SHLD2: variants seen among roughly 807,000 people sequenced by gnomAD.
The protein encoded by SHLD2 is shieldin complex subunit 2.
In SHLD2, 30 loss-of-function variants were observed where a neutral mutation model predicts 73.2. The ratio of observed to expected loss-of-function variants is 0.41; its 90% CI spans 0.31 to 0.56. The LOEUF (loss-of-function observed/expected upper bound fraction) is 0.56, where lower values mean the gene tolerates loss of function less well. Among genes scored for constraint, SHLD2 ranks in the 20% least tolerant of loss-of-function variants. The pLI is 0.28. For missense variants in SHLD2, 745 were observed against 1,055.9 expected (o/e 0.71, Z 4.08); for synonymous variants, 285 against 370.1 (o/e 0.77, Z 2.64).
intron 4 of SHLD2, among the ~76,000 whole-genome samples, chr10:87,166,950 AGTGTGTGT>A (rs10602407): frequency 1.2e-4 from 15 of 126,288 alleles, no homozygotes; most frequent in South Asian, 7.3e-4. Flanking sequence ...CATTTTGGAA[AGTGTGTGT>A]GTGTGTGTGT....
rs183739847 is a variant in SHLD2 at position 87,173,084 on chromosome 10, G to A, written c.1963+2110G>A. On this transcript the variant is annotated intron_variant, in intron 6 of 9. Transcript: ENST00000298786. ...ACAGAGTTTCATTCTTGTCACCCAG[G>A]CTGGAATGTAGTGGCATGATCTCTG... Among the ~76,000 whole-genome samples the A allele has an allele frequency of 2.0e-3, 305 of 149,272 alleles. 4 individuals are homozygous for A. The highest frequency in any genetic ancestry group is 9.3e-4 in the Non-Finnish European group (63 of 67,858).
Position 87,152,791 on chromosome 10 carries a change from A to C in SHLD2, c.1437A>C (p.Gln479His). 6.2e-7 allele frequency: 1 copy of C among 1,611,750 alleles called. No individual in the cohort carries two copies. Among genetic ancestry groups the C allele is most frequent in the Non-Finnish European group, 8.5e-7 (1 of 1,179,814 alleles). Residue 479 changes from glutamine to histidine, a missense_variant, in exon 3 of 10, where the codon CAA becomes CAC. By Grantham distance (24) the Gln-to-His change is conservative. Around this residue, in one of 5 missense-constraint regions of SHLD2, gnomAD observed 418 missense variants for 567.8 expected, o/e 0.74. Coordinates refer to ENST00000298786, the MANE Select transcript of SHLD2 (RefSeq NM_001330112.2). ...VPLATVTVID[Q>H]SETKKKVFLW... is the part of the protein sequence containing the mutation. Reference sequence around the variant, plus strand: ...TAGCAACAGTTACAGTAATTGATCAATCAGAAACTAAGAAGAAGGTTTTTC... The same window carrying C: ...TAGCAACAGTTACAGTAATTGATCACTCAGAAACTAAGAAGAAGGTTTTTC...
chr10:87,133,175 A>T (rs936922187), intron 2 of SHLD2, among the ~76,000 whole-genome samples: 1 of 152,186 alleles, frequency 6.6e-6, no homozygotes, highest in East Asian at 1.9e-4. Flanking sequence ...CAATGGAAAA[A>T]AAATAATTTT....
chr10:87,184,287 T>G (rs954156884), intron 8 of SHLD2, among the ~76,000 whole-genome samples: 32 of 152,178 alleles, frequency 2.1e-4, no homozygotes, highest in African/African-American at 7.2e-4. Context: ...CCATCTCCAC[T>G]GCTAACATCT....
intron 2 of SHLD2, among the ~76,000 whole-genome samples, chr10:87,117,137 C>T (rs4388787): frequency 0.069 from 10,517 of 152,072 alleles, 764 homozygotes; most frequent in African/African-American, 0.19. Context: ...ACTTTAGCTG[C>T]GGCCGGGCAA....
intron 2 of SHLD2, among the ~76,000 whole-genome samples, chr10:87,137,032 CTTAA>C (rs941182769): frequency 6.6e-4 from 101 of 152,148 alleles, no homozygotes; most frequent in African/African-American, 2.4e-3. Flanking sequence ...TAAAATATTA[CTTAA>C]TTTAATAAGT....
intron 2 of SHLD2, among the ~76,000 whole-genome samples, chr10:87,106,567 C>G (rs1050967990): frequency 6.6e-6 from 1 of 152,132 alleles, no homozygotes; most frequent in Admixed American, 6.6e-5. Context: ...GTTTTTTGAA[C>G]AGCTTTTTAC....
chr10:87,190,790 T>C lies in SHLD2; in HGVS notation c.*107T>C. 1.1e-6 allele frequency: 1 copy of C among 936,818 alleles called. No individual in the cohort carries two copies. The highest frequency in any genetic ancestry group is 1.6e-6 in the Non-Finnish European group (1 of 615,944). 58.0% of individuals were successfully genotyped at this position (936,818 alleles called of 1,614,324 possible). A position where few individuals can be genotyped will look rare whatever the true frequency, so the allele number is the denominator to read the frequency against. ...TTTGCTTTGGATTTTTTATGAAATA[T>C]ATTTTACAAAGAGAATTGCACTAGA... On this transcript the variant is annotated 3_prime_UTR_variant, in exon 10 of 10. Transcript: ENST00000298786.
At chr10:87,144,907 G>T (rs898537322) in intron 2 of SHLD2, among the ~76,000 whole-genome samples, 3 of 145,588 alleles carry the variant, frequency 2.1e-5, no homozygotes, top group Non-Finnish European at 4.5e-5. Context: ...ATTGATTACA[G>T]GCGTGAGCCA....
chr10:87,146,292 T>G (rs1290464094), intron 2 of SHLD2, among the ~76,000 whole-genome samples: 1 of 152,052 alleles, frequency 6.6e-6, no homozygotes, highest in East Asian at 1.9e-4. Flanking sequence ...CATTATGAGT[T>G]CTTTTTGAGA....
intron 3 of SHLD2, among the ~76,000 whole-genome samples, chr10:87,156,440 T>C (rs1316393312): frequency 6.6e-6 from 1 of 152,178 alleles, no homozygotes; most frequent in Non-Finnish European, 1.5e-5. Flanking sequence ...TTTGCTATTA[T>C]AACTTCTAGC....
chr10:87,146,520 C>T (rs1181298893), intron 2 of SHLD2, among the ~76,000 whole-genome samples: 1 of 151,886 alleles, frequency 6.6e-6, no homozygotes, highest in African/African-American at 2.4e-5. Flanking sequence ...TCTCAAACTC[C>T]TGACCTCAAG....
At chr10:87,167,880 A>G (rs1020228558) in intron 4 of SHLD2, among the ~76,000 whole-genome samples, 1 of 152,184 alleles carries the variant, frequency 6.6e-6, no homozygotes, top group African/African-American at 2.4e-5. Context: ...CCTGAGCTCC[A>G]GTGATCCTCT....
At chr10:87,139,694 G>A (rs1347752509) in intron 2 of SHLD2, among the ~76,000 whole-genome samples, 3 of 152,122 alleles carry the variant, frequency 2.0e-5, no homozygotes, top group Admixed American at 1.3e-4. Flanking sequence ...TGGGTGTGGT[G>A]GGATGTGCCT....
chr10:87,110,748 T>G (rs769679246), intron 2 of SHLD2, among the ~76,000 whole-genome samples: 1 of 151,502 alleles, frequency 6.6e-6, no homozygotes, highest in Admixed American at 6.6e-5. Flanking sequence ...GAAGGAAATG[T>G]AGGTTTAAAT....
In SHLD2 at chr10:87,188,744, C is replaced by G. The variant is rs900662623; in HGVS notation, c.2515+1544C>G. ...CTCCTGTTCCATCTCCCTGGAGGCA[C>G]CTGTCTCCTTATGTTTCAGTCTTTT... On this transcript the variant is annotated intron_variant, in intron 9 of 9. Transcript: ENST00000298786. 2.0e-5 allele frequency among the ~76,000 whole-genome samples: 3 copies of G among 152,168 alleles called. No homozygotes were observed. The East Asian group carries it at 5.8e-4, about 29-fold the overall frequency.
intron 2 of SHLD2, among the ~76,000 whole-genome samples, chr10:87,129,495 C>T (rs1844274396): frequency 6.6e-6 from 1 of 152,106 alleles, no homozygotes; most frequent in Non-Finnish European, 1.5e-5. Context: ...CCGTGGATTC[C>T]CCATTGCATA....
intron 8 of SHLD2, 59 bp downstream of exon 8, chr10:87,180,362 T>C: frequency 6.3e-7 from 1 of 1,585,254 alleles, no homozygotes. Context: ...CTGGAAAAAT[T>C]AGTCTGTAAA....
chr10:87,100,385 A>T (rs1197123789), intron 2 of SHLD2, among the ~76,000 whole-genome samples: 2 of 152,202 alleles, frequency 1.3e-5, no homozygotes, highest in Non-Finnish European at 2.9e-5. Context: ...ATGAAAAATA[A>T]ATTGACCTAA....
Sources: gnomAD v4.1 joint callset for allele counts (sites outside exome capture counted in the v4.1 genomes callset) on GRCh38, gnomAD v4.1.1 for gene constraint, gnomAD v4.1.1 regional missense constraint, MANE v1.5 for transcripts, NCBI Gene and HGNC (gene_info 2026-07-23, HGNC 2026-07-21) for gene names.